GRID2: variants seen among roughly 807,000 people sequenced by gnomAD.
The protein encoded by GRID2 is glutamate receptor ionotropic, delta-2.
GRID2 carries 33 observed loss-of-function variants against 114.8 expected under a neutral mutation model. The ratio of observed to expected loss-of-function variants is 0.29; its 90% CI spans 0.22 to 0.38. GRID2 has a LOEUF of 0.38. Among genes scored for constraint, GRID2 ranks in the 10% least tolerant of loss-of-function variants. The pLI, the probability that GRID2 is intolerant of heterozygous loss-of-function variation, is 1.00. For synonymous variants in GRID2, 505 were observed against 449.9 expected (o/e 1.12, Z -1.55); for missense variants, 1,184 against 1,257.7 (o/e 0.94, Z 0.89).
intron 1 of GRID2, among the ~76,000 whole-genome samples, chr4:92,409,582 G>T (rs954904071): frequency 1.3e-5 from 2 of 152,026 alleles, no homozygotes; most frequent in African/African-American, 4.8e-5. Flanking sequence ...GAACATTCAG[G>T]AACTTGGATT....
intron 2 of GRID2, among the ~76,000 whole-genome samples, chr4:92,804,295 C>G (rs1740310694): frequency 6.6e-6 from 1 of 151,818 alleles, no homozygotes; most frequent in African/African-American, 2.4e-5. Flanking sequence ...TTGTATTTTA[C>G]AAAACATTTC....
At chr4:92,407,897 G>T (rs1157009557) in intron 1 of GRID2, among the ~76,000 whole-genome samples, 1 of 152,042 alleles carries the variant, frequency 6.6e-6, no homozygotes, top group Non-Finnish European at 1.5e-5. Flanking sequence ...TGTTTACTTT[G>T]TTGGTAATTT....
intron 11 of GRID2, among the ~76,000 whole-genome samples, chr4:93,490,020 C>G (rs1726828946): frequency 6.6e-6 from 1 of 151,782 alleles, no homozygotes; most frequent in Non-Finnish European, 1.5e-5. Flanking sequence ...CATGGTGAGA[C>G]TATGGACAGA....
At chr4:92,304,868 C>T in intron 1 of GRID2, 124 bp downstream of exon 1, 3 of 721,264 alleles carry the variant, frequency 4.2e-6, no homozygotes, top group Admixed American at 2.3e-5. Flanking sequence ...TTCATTGCCC[C>T]TTCCCGCTAC....
At chr4:92,498,466 A>G (rs1306977920) in intron 1 of GRID2, among the ~76,000 whole-genome samples, 1 of 151,914 alleles carries the variant, frequency 6.6e-6, no homozygotes, top group East Asian at 1.9e-4. Flanking sequence ...CTAAAAACTG[A>G]TTATGCAAAA....
chr4:92,366,725 A>G (rs188160332), intron 1 of GRID2, among the ~76,000 whole-genome samples: 89 of 152,182 alleles, frequency 5.8e-4, no homozygotes, highest in Non-Finnish European at 1.1e-3. Context: ...TAAAACTGTG[A>G]GAAGAACATA....
At chr4:92,856,553 A>C (rs548831157) in intron 2 of GRID2, among the ~76,000 whole-genome samples, 1 of 152,280 alleles carries the variant, frequency 6.6e-6, no homozygotes, top group African/African-American at 2.4e-5. Context: ...GAAAATCATT[A>C]TTGATAATCA....
intron 8 of GRID2, among the ~76,000 whole-genome samples, chr4:93,286,623 A>G (rs556749213): frequency 6.6e-6 from 1 of 151,954 alleles, no homozygotes; most frequent in African/African-American, 2.4e-5. Context: ...CTCAAAGACC[A>G]TCACCTCCGG....
At chr4:93,314,941 A>T (rs1402942981) in intron 8 of GRID2, among the ~76,000 whole-genome samples, 2 of 152,108 alleles carry the variant, frequency 1.3e-5, no homozygotes, top group Admixed American at 6.6e-5. Flanking sequence ...TAGTCACTGT[A>T]TTAGTCTGTT....
chr4:92,735,644 C>T lies in GRID2; in HGVS notation c.244+145358C>T, dbSNP rs1265896010. ...TTTGAACTTAAAATTTATATTGTTT[C>T]CAGCTGATGTAAGTGCTACTCAGAC... On this transcript the variant is annotated intron_variant, in intron 2 of 15. Transcript: ENST00000282020. 1.4e-4 allele frequency among the ~76,000 whole-genome samples: 21 copies of T among 152,166 alleles called. 1 individual carries two copies.
intron 2 of GRID2, among the ~76,000 whole-genome samples, chr4:92,599,658 TA>T (rs1729108215): frequency 6.6e-6 from 1 of 152,160 alleles, no homozygotes; most frequent in Admixed American, 6.6e-5. Context: ...ATATGATGGT[TA>T]GATGGGTTAA....
At chr4:93,247,773 T>C (rs146362836) in intron 8 of GRID2, among the ~76,000 whole-genome samples, 19 of 151,938 alleles carry the variant, frequency 1.3e-4, no homozygotes, top group Non-Finnish European at 2.6e-4. Context: ...TATATACATA[T>C]ATTCCCCTGG....
intron 14 of GRID2, among the ~76,000 whole-genome samples, chr4:93,663,454 C>A (rs1391477359): frequency 2.0e-5 from 3 of 152,084 alleles, no homozygotes; most frequent in Non-Finnish European, 4.4e-5. Context: ...GAAGCAGAGC[C>A]AGTTTCCCCA....
At chr4:92,756,305 T>C (rs1359067482) in intron 2 of GRID2, among the ~76,000 whole-genome samples, 2 of 152,146 alleles carry the variant, frequency 1.3e-5, no homozygotes, top group East Asian at 1.9e-4. Flanking sequence ...AGTATTTCAT[T>C]GTGTATACAT....
intron 14 of GRID2, among the ~76,000 whole-genome samples, chr4:93,636,484 ACTCT>A (rs1195652507): frequency 6.6e-6 from 1 of 151,856 alleles, no homozygotes; most frequent in Non-Finnish European, 1.5e-5. Context: ...TAATTATAAG[ACTCT>A]CTCCAAAACT....
intron 2 of GRID2, among the ~76,000 whole-genome samples, chr4:92,857,089 A>C (rs1300231671): frequency 2.6e-5 from 4 of 152,146 alleles, no homozygotes; most frequent in Non-Finnish European, 4.4e-5. Context: ...TAAATCAATC[A>C]GTGTTGTCTG....
intron 14 of GRID2, among the ~76,000 whole-genome samples, chr4:93,748,968 G>C (rs76885833): frequency 1.8e-4 from 27 of 152,050 alleles, no homozygotes; most frequent in Non-Finnish European, 3.4e-4. Context: ...GCATAGGTAG[G>C]GGTATTCTTC....
At chr4:92,536,155 C>G (rs1167382662) in intron 1 of GRID2, among the ~76,000 whole-genome samples, 2 of 152,214 alleles carry the variant, frequency 1.3e-5, no homozygotes, top group Admixed American at 1.3e-4. Context: ...TATTTGGCCC[C>G]ACCCACATCC....
chr4:93,261,210 C>T (rs1022816390), intron 8 of GRID2, among the ~76,000 whole-genome samples: 4 of 151,760 alleles, frequency 2.6e-5, no homozygotes, highest in South Asian at 2.1e-4. Flanking sequence ...GAGGGCTTTT[C>T]GAAAGGAGCT....
Sources: allele counts gnomAD v4.1 joint callset (sites outside exome capture counted in the v4.1 genomes callset), GRCh38; gene constraint gnomAD v4.1.1; transcripts MANE v1.5; gene names NCBI Gene and HGNC (gene_info 2026-07-23, HGNC 2026-07-21).